The following GTF2B variants were observed in gnomAD, a reference collection of about 807,000 sequenced individuals.
The protein encoded by GTF2B is transcription initiation factor IIB.
Under a neutral mutation model 34.6 loss-of-function variants are expected in GTF2B, and 20 were observed. The ratio of observed to expected loss-of-function variants is 0.58; its 90% CI spans 0.41 to 0.84. GTF2B has a LOEUF of 0.84. Among genes scored for constraint, GTF2B ranks in the 40% least tolerant of loss-of-function variants. The pLI is 0.00. For synonymous variants in GTF2B, 142 were observed against 132.4 expected (o/e 1.07, Z -0.50); for missense variants, 237 against 393.3 (o/e 0.60, Z 3.36).
chr1:88,867,536 TA>T (rs1018772199), intron 2 of GTF2B, among the ~76,000 whole-genome samples: 2 of 149,256 alleles, frequency 1.3e-5, no homozygotes. Flanking sequence ...CCAGAGTTAC[TA>T]AATTTTAAGC....
intron 2 of GTF2B, among the ~76,000 whole-genome samples, chr1:88,882,819 C>T (rs917709430): frequency 2.0e-5 from 3 of 152,172 alleles, no homozygotes; most frequent in African/African-American, 7.2e-5. Flanking sequence ...GTATTACATT[C>T]TTCTCCTGAT....
At chr1:88,865,455 C>T (rs1358490423) in intron 2 of GTF2B, among the ~76,000 whole-genome samples, 1 of 152,192 alleles carries the variant, frequency 6.6e-6, no homozygotes, top group African/African-American at 2.4e-5. Flanking sequence ...GGTGTGGTGG[C>T]TCAGGCCTGT....
At chr1:88,865,221 A>G (rs1673521982) in intron 2 of GTF2B, among the ~76,000 whole-genome samples, 1 of 152,216 alleles carries the variant, frequency 6.6e-6, no homozygotes, top group African/African-American at 2.4e-5. Context: ...TTATTACCTC[A>G]GCTCTAAAAT....
chr1:88,873,923 C>G (rs1673756530), intron 2 of GTF2B, among the ~76,000 whole-genome samples: 1 of 152,086 alleles, frequency 6.6e-6, no homozygotes. Flanking sequence ...AACTCAGGGA[C>G]TCTTACTAAT....
chr1:88,855,804 CCACCA>C, intron 6 of GTF2B, among the ~76,000 whole-genome samples: 1 of 152,066 alleles, frequency 6.6e-6, no homozygotes, highest in Non-Finnish European at 1.5e-5. Context: ...CAGATATGTG[CCACCA>C]CACCCGACTA....
At chr1:88,866,609 T>C (rs1673565582) in intron 2 of GTF2B, among the ~76,000 whole-genome samples, 1 of 152,198 alleles carries the variant, frequency 6.6e-6, no homozygotes, top group African/African-American at 2.4e-5. Context: ...GGTTTTGCCA[T>C]GTTGCCCAGG....
Position 88,873,758 on chromosome 1 carries a change from G to A in GTF2B, c.125-9644C>T, listed in dbSNP as rs535747102. 3.9e-5 allele frequency among the ~76,000 whole-genome samples: 6 copies of A among 152,192 alleles called. No homozygotes were observed. In the South Asian group the frequency reaches 8.3e-4, roughly 21 times the overall value. ...AGCCATCGGGAAGGAAAAAAAGTAA[G>A]GATACATCTTTTCTTATGACATAAA... is the stretch of plus-strand genomic sequence containing the variant. On this transcript the variant is annotated intron_variant, in intron 2 of 6. Transcript: ENST00000370500.
intron 3 of GTF2B, among the ~76,000 whole-genome samples, chr1:88,863,700 TG>T (rs2100966610): frequency 6.6e-6 from 1 of 152,242 alleles, no homozygotes; most frequent in East Asian, 1.9e-4. Flanking sequence ...TATTAACTCA[TG>T]AAGGCCACAC....
intron 2 of GTF2B, among the ~76,000 whole-genome samples, chr1:88,869,018 C>A: frequency 6.6e-6 from 1 of 152,118 alleles, no homozygotes; most frequent in South Asian, 2.1e-4. Flanking sequence ...GGATTACAGG[C>A]GTGAGCCACC....
rs1673401218 is a variant in GTF2B, at chr1:88,860,124, G to A, written c.405+16C>T. 2.5e-6 allele frequency: 4 copies of A among 1,613,744 alleles called. No individual in the cohort carries two copies. The highest frequency in any genetic ancestry group is 1.3e-5 in the African/African-American group (1 of 75,036). On this transcript the variant is annotated intron_variant, in intron 4 of 6. Transcript: ENST00000370500. The stretch of plus-strand genomic sequence containing the variant: ...TCAATGCCAGAATGGCTTAAAGGAG[G>A]TAGACAAGAACTTACAACTATATTT...
chr1:88,859,970 CT>C lies in GTF2B; in HGVS notation c.446del (p.Lys149ArgfsTer3). The C allele has an allele frequency of 6.2e-7, 1 of 1,613,556 alleles. No individual in the cohort carries two copies. The highest frequency in any genetic ancestry group is 8.5e-7 in the Non-Finnish European group (1 of 1,179,502). On this transcript the variant is annotated frameshift_variant, in exon 5 of 7. Coordinates refer to ENST00000370500, the MANE Select transcript of GTF2B (RefSeq NM_001514.6). LOFTEE classifies it high-confidence loss of function. ...NNLFKQVYEQ[K>X]SLKGRANDAI... is the part of the protein sequence containing the mutation. ...CATCATTAGCTCTTCCCTTCAGGCT[CT>C]TCTGTTCATATACTTGCTTGAATAA...
chr1:88,880,779 G>C (rs1489984118), intron 2 of GTF2B, among the ~76,000 whole-genome samples: 1 of 152,090 alleles, frequency 6.6e-6, no homozygotes, highest in Non-Finnish European at 1.5e-5. Context: ...GGCCGAGGCT[G>C]GGGGTATCTC....
At chr1:88,872,314 G>A (rs1415758405) in intron 2 of GTF2B, among the ~76,000 whole-genome samples, 3 of 151,582 alleles carry the variant, frequency 2.0e-5, no homozygotes, top group South Asian at 2.1e-4. Context: ...TTAGATGGGC[G>A]TGGTGCTGCA....
intron 2 of GTF2B, among the ~76,000 whole-genome samples, chr1:88,886,852 C>A (rs956191111): frequency 8.6e-5 from 13 of 151,712 alleles, no homozygotes; most frequent in Admixed American, 3.3e-4. Flanking sequence ...GGAAGAAAGT[C>A]AAAAATGTGT....
intron 1 of GTF2B, among the ~76,000 whole-genome samples, chr1:88,888,966 C>G (rs1005876551): frequency 1.1e-4 from 16 of 152,154 alleles, no homozygotes; most frequent in Admixed American, 6.5e-5. Flanking sequence ...TGGGTAGGAG[C>G]TATATGTATG....
chr1:88,854,769 TAC>T (rs1673265155), intron 6 of GTF2B, among the ~76,000 whole-genome samples: 1 of 152,230 alleles, frequency 6.6e-6, no homozygotes, highest in African/African-American at 2.4e-5. Flanking sequence ...ATGCTGGGAT[TAC>T]AGTCATGAGC....
chr1:88,881,105 T>A, intron 2 of GTF2B, among the ~76,000 whole-genome samples: 1 of 139,428 alleles, frequency 7.2e-6, no homozygotes, highest in African/African-American at 2.7e-5. Flanking sequence ...AAACACCACA[T>A]ACTAGAATAT....
intron 3 of GTF2B, among the ~76,000 whole-genome samples, chr1:88,863,174 ATACTT>A (rs1673482068): frequency 6.6e-6 from 1 of 152,186 alleles, no homozygotes. Flanking sequence ...TGTTATATAA[ATACTT>A]TACATACATT....
chr1:88,871,892 C>T (rs1455553504), intron 2 of GTF2B, among the ~76,000 whole-genome samples: 2 of 151,946 alleles, frequency 1.3e-5, no homozygotes, highest in Non-Finnish European at 2.9e-5. Flanking sequence ...CCACCACGCC[C>T]AGCTAATTTT....
Sources: gnomAD v4.1 joint callset for allele counts (sites outside exome capture counted in the v4.1 genomes callset) on GRCh38, gnomAD v4.1.1 for gene constraint, MANE v1.5 for transcripts, NCBI Gene and HGNC (gene_info 2026-07-23, HGNC 2026-07-21) for gene names.